Variants in CRPPA observed in about 807,000 individuals in gnomAD.
CRPPA encodes the protein D-ribitol-5-phosphate cytidylyltransferase.
CRPPA carries 43 observed loss-of-function variants against 52.0 expected under a neutral mutation model. The ratio of observed to expected loss-of-function variants is 0.83; its 90% CI spans 0.65 to 1.07. The LOEUF is 1.07. CRPPA is among the 50% of genes least tolerant of loss of function. The pLI is 0.00. For missense variants in CRPPA, 629 were observed against 551.7 expected, an observed-to-expected ratio of 1.14 and a Z score of -1.40; for synonymous variants, 250 against 203.5, an observed-to-expected ratio of 1.23 and a Z score of -1.94.
chr7:16,255,589 A>T (rs1196468316), intron 8 of CRPPA, among the ~76,000 whole-genome samples: 1 of 152,180 alleles, frequency 6.6e-6, no homozygotes, highest in Admixed American at 6.5e-5. Context: ...GGGTACCAAA[A>T]CAGATATATA....
At chr7:16,342,258 T>A (rs1785865543) in intron 3 of CRPPA, among the ~76,000 whole-genome samples, 1 of 152,200 alleles carries the variant, frequency 6.6e-6, no homozygotes, top group Non-Finnish European at 1.5e-5. Flanking sequence ...CCAGAAATCT[T>A]GTGAATAAGA....
intron 8 of CRPPA, among the ~76,000 whole-genome samples, chr7:16,220,044 A>C (rs1782456237): frequency 7.1e-6 from 1 of 140,092 alleles, no homozygotes; most frequent in African/African-American, 2.6e-5. Flanking sequence ...AAAATCCTCA[A>C]TAAAATACTG....
chr7:16,307,930 A>T (rs1784949491), intron 4 of CRPPA, among the ~76,000 whole-genome samples: 1 of 151,772 alleles, frequency 6.6e-6, no homozygotes, highest in African/African-American at 2.4e-5. Flanking sequence ...AAAAAAAAAA[A>T]AAAGGCTATT....
chr7:16,279,123 C>T (rs576935242), intron 5 of CRPPA, among the ~76,000 whole-genome samples: 1 of 152,226 alleles, frequency 6.6e-6, no homozygotes, highest in African/African-American at 2.4e-5. Flanking sequence ...AAAACAAAGC[C>T]TGATTTTAAG....
At chr7:16,309,030 A>G (rs1309921276) in intron 3 of CRPPA, among the ~76,000 whole-genome samples, 2 of 152,166 alleles carry the variant, frequency 1.3e-5, no homozygotes, top group African/African-American at 4.8e-5. Flanking sequence ...TCTAAATCTC[A>G]TATCTTGTAT....
chr7:16,195,918 C>A (rs980767492), intron 9 of CRPPA, among the ~76,000 whole-genome samples: 7 of 152,112 alleles, frequency 4.6e-5, no homozygotes, highest in Admixed American at 2.0e-4. Context: ...TGCCAACCCC[C>A]CTTCCCCACA....
intron 2 of CRPPA, among the ~76,000 whole-genome samples, chr7:16,381,247 T>G (rs1583563168): frequency 1.3e-5 from 2 of 152,242 alleles, no homozygotes; most frequent in East Asian, 3.9e-4. Flanking sequence ...TTTCGTTATG[T>G]ATCCAGTAGT....
At chr7:16,387,618 C>A (rs1416323659) in intron 2 of CRPPA, among the ~76,000 whole-genome samples, 1 of 151,834 alleles carries the variant, frequency 6.6e-6, no homozygotes, top group Non-Finnish European at 1.5e-5. Context: ...GATTCAAAGA[C>A]ACAAATAGTT....
chr7:16,216,165 G>T lies in CRPPA; in HGVS notation c.1152C>A (p.Pro384=). Reference sequence around the variant, plus strand: ...GCATTAGGTTTTCCATTTTCTGACTGGGAGGTACTAATTTAAAATCAAGAA... The same window carrying T: ...GCATTAGGTTTTCCATTTTCTGACTTGGAGGTACTAATTTAAAATCAAGAA... ...VHFLDFKLVP[P]SQKMENLMQI... is the part of the protein sequence containing the mutation. The change falls in exon 9 of 10, where the codon CCC becomes CCA. Residue 384 remains proline, a synonymous_variant. Transcript: ENST00000407010. 1 of 1,586,488 alleles carries T rather than the reference G, an allele frequency of 6.3e-7. No homozygotes were observed. The highest frequency in any genetic ancestry group is 2.2e-5 in the East Asian group (1 of 44,536).
intron 6 of CRPPA, 136 bp from the exon 7 acceptor site, chr7:16,259,148 T>C: frequency 1.8e-6 from 1 of 543,696 alleles, no homozygotes; most frequent in Admixed American, 3.5e-5. Flanking sequence ...TGAAACATGC[T>C]GAAGTTCATC....
At chr7:16,247,059 A>T (rs1037729677) in intron 8 of CRPPA, among the ~76,000 whole-genome samples, 6 of 152,356 alleles carry the variant, frequency 3.9e-5, no homozygotes, top group Admixed American at 2.0e-4. Flanking sequence ...TAGCATTGCT[A>T]TGTTCATCAA....
chr7:16,127,271 T>A (rs1397641450), intron 9 of CRPPA, among the ~76,000 whole-genome samples: 1 of 152,064 alleles, frequency 6.6e-6, no homozygotes, highest in Non-Finnish European at 1.5e-5. Context: ...ATCAAGAGTT[T>A]CCCTTAAAGT....
chr7:16,420,790 A>G (rs1377080202), intron 1 of CRPPA, among the ~76,000 whole-genome samples: 1 of 151,890 alleles, frequency 6.6e-6, no homozygotes. Flanking sequence ...CAACCCATGC[A>G]CTCTCTAATC....
intron 3 of CRPPA, among the ~76,000 whole-genome samples, chr7:16,319,851 T>C (rs1785220081): frequency 6.6e-6 from 1 of 152,148 alleles, no homozygotes; most frequent in Admixed American, 6.5e-5. Context: ...GGTCATAGAT[T>C]AGGAAAGGAG....
intron 9 of CRPPA, among the ~76,000 whole-genome samples, chr7:16,151,239 G>A (rs1477545267): frequency 6.6e-6 from 1 of 152,094 alleles, no homozygotes; most frequent in Non-Finnish European, 1.5e-5. Context: ...CTCTTCTAAA[G>A]CAGGTAATAT....
At chr7:16,247,624 G>A (rs1435161531) in intron 8 of CRPPA, among the ~76,000 whole-genome samples, 1 of 152,130 alleles carries the variant, frequency 6.6e-6, no homozygotes, top group Non-Finnish European at 1.5e-5. Context: ...GATAGAGACA[G>A]GAAGTGAGCA....
At chr7:16,203,184 T>A (rs759271217) in intron 9 of CRPPA, among the ~76,000 whole-genome samples, 13 of 152,194 alleles carry the variant, frequency 8.5e-5, no homozygotes, top group Non-Finnish European at 1.6e-4. Flanking sequence ...ATCTTTAGTG[T>A]CTTTATCTTA....
chr7:16,336,756 T>C (rs1050040499), intron 3 of CRPPA, among the ~76,000 whole-genome samples: 1 of 152,034 alleles, frequency 6.6e-6, no homozygotes, highest in Admixed American at 6.6e-5. Context: ...TTCACTTTAC[T>C]GTTAAGAACA....
intron 5 of CRPPA, among the ~76,000 whole-genome samples, chr7:16,297,288 G>C (rs1356198988): frequency 6.6e-6 from 1 of 152,168 alleles, no homozygotes; most frequent in African/African-American, 2.4e-5. Context: ...CCTAGCATGA[G>C]TCCAATGTCC....
Sources: allele counts gnomAD v4.1 joint callset (sites outside exome capture counted in the v4.1 genomes callset), GRCh38; gene constraint gnomAD v4.1.1; transcripts MANE v1.5; gene names NCBI Gene and HGNC (gene_info 2026-07-23, HGNC 2026-07-21).